CFAP92: variants seen among roughly 807,000 people sequenced by gnomAD.
The protein encoded by CFAP92 is cilia and flagella associated protein 92 (putative).
Under a neutral mutation model 106.3 loss-of-function variants are expected in CFAP92, and 86 were observed. That is an observed-to-expected ratio of 0.81 (90% CI 0.68 to 0.97). The LOEUF (loss-of-function observed/expected upper bound fraction) is 0.97. Ranked by LOEUF, CFAP92 falls within the 50% of genes least tolerant of loss-of-function variation. The pLI, the probability that CFAP92 is intolerant of heterozygous loss-of-function variation, is 0.00. For synonymous variants in CFAP92, 477 were observed against 506.4 expected (o/e 0.94, Z 0.78); for missense variants, 1,204 against 1,283.8 (o/e 0.94, Z 0.95).
chr3:128,943,127 T>C (rs1939828812), intron 10 of CFAP92, among the ~76,000 whole-genome samples: 1 of 151,936 alleles, frequency 6.6e-6, no homozygotes, highest in African/African-American at 2.4e-5. Context: ...CACTTGTTGG[T>C]CAGGCTGGTC....
chr3:128,919,167 C>T (rs375987644), intron 12 of CFAP92, among the ~76,000 whole-genome samples: 50 of 152,072 alleles, frequency 3.3e-4, no homozygotes, highest in African/African-American at 9.9e-4. Flanking sequence ...TGGTCTCGAA[C>T]GCCAGACTTC....
At chr3:128,975,526 G>A (rs550172043) in intron 7 of CFAP92, among the ~76,000 whole-genome samples, 1 of 152,042 alleles carries the variant, frequency 6.6e-6, no homozygotes, top group South Asian at 2.1e-4. Context: ...ATGAATGAAT[G>A]GATGGATGAA....
chr3:129,005,219 C>T (rs1401873732), upstream of CFAP92, among the ~76,000 whole-genome samples: 4 of 152,216 alleles, frequency 2.6e-5, no homozygotes, highest in East Asian at 1.9e-4. Context: ...GGAACAGATG[C>T]GTGGCAGCAG....
At chr3:129,000,563 G>C (rs1408342379) in intron 1 of CFAP92, among the ~76,000 whole-genome samples, 1 of 152,170 alleles carries the variant, frequency 6.6e-6, no homozygotes, top group Non-Finnish European at 1.5e-5. Flanking sequence ...GCAGGTAACA[G>C]GTGGACAATA....
chr3:128,912,345 T>C (rs918142164), intron 15 of CFAP92, among the ~76,000 whole-genome samples: 17 of 152,184 alleles, frequency 1.1e-4, no homozygotes, highest in African/African-American at 2.4e-5. Flanking sequence ...TTTCTCTCCC[T>C]GCAGCCCTGA....
intron 8 of CFAP92, chr3:128,970,753 G>A (rs550539641): frequency 1.3e-5 from 2 of 154,302 alleles, no homozygotes; most frequent in South Asian, 4.0e-4. Context: ...ACCTCTTTGA[G>A]TTCTTTTCCT....
intron 9 of CFAP92, 31 bp downstream of exon 9, chr3:128,965,480 T>A: frequency 2.5e-6 from 1 of 398,718 alleles, no homozygotes; most frequent in Non-Finnish European, 4.4e-6. Flanking sequence ...GGGGAGGAGC[T>A]CTAAACTCCA....
At chr3:128,999,578 G>A (rs373780367) in intron 1 of CFAP92, among the ~76,000 whole-genome samples, 5 of 124,008 alleles carry the variant, frequency 4.0e-5, no homozygotes, top group Admixed American at 1.1e-4. Context: ...TCGCTCTGTC[G>A]CCCAGGCTGG....
At chr3:128,933,028 C>A (rs962541048) in intron 11 of CFAP92, 31 bp from the exon 12 acceptor site, 14 of 1,531,400 alleles carry the variant, frequency 9.1e-6, no homozygotes, top group African/African-American at 2.7e-5. Flanking sequence ...CCCACTGAAC[C>A]TCTCCTACCT....
chr3:128,918,945 T>C (rs1576381238), intron 12 of CFAP92, among the ~76,000 whole-genome samples: 1 of 133,260 alleles, frequency 7.5e-6, no homozygotes, highest in East Asian at 2.2e-4. Context: ...ATTGGATTTT[T>C]TTTTTTTTTT....
chr3:128,911,063 G>T (rs774850638), intron 15 of CFAP92, among the ~76,000 whole-genome samples: 19 of 152,176 alleles, frequency 1.2e-4, no homozygotes, highest in Non-Finnish European at 2.1e-4. Flanking sequence ...ATGTATGTAT[G>T]TATTTATTTC....
rs1417821510 is a variant in CFAP92 at position 128,945,600 on chromosome 3, G to A, written c.1729C>T (p.His577Tyr). 7.2e-6 allele frequency: 11 copies of A among 1,535,980 alleles called. No homozygotes were observed. Among genetic ancestry groups the A allele is most frequent in the Non-Finnish European group, 8.7e-6 (10 of 1,146,920 alleles). ...QVSFADLLLG[H>Y]KYLNLAVPIH... ...GGGACGGCCAGATTCAAGTACTTGT[G>A]GCCAAGGAGGAGGTCAGCAAAACTG... is the stretch of plus-strand genomic sequence containing the variant. Residue 577 changes from histidine (H) to tyrosine (Y), a missense_variant, in exon 10 of 16, where the codon CAC becomes TAC. Transcript: ENST00000645291.
intron 1 of CFAP92, among the ~76,000 whole-genome samples, chr3:129,000,851 G>C (rs542447900): frequency 6.6e-6 from 1 of 152,340 alleles, no homozygotes; most frequent in East Asian, 1.9e-4. Flanking sequence ...GGAGAGAGCA[G>C]TTAGCACAGG....
the CFAP92 span, among the ~76,000 whole-genome samples, chr3:129,014,235 G>A: frequency 7.9e-5 from 12 of 152,344 alleles, no homozygotes; most frequent in Admixed American, 4.6e-4. The surrounding 1 kb of genome is among the most constrained non-coding windows in gnomAD (Gnocchi z 4.3). Context: ...AGTGCGTTAC[G>A]CTGTTGACCA....
chr3:128,945,701 A>T lies in CFAP92; in HGVS notation c.1628T>A (p.Ile543Asn). The T allele has an allele frequency of 6.5e-7, 1 of 1,536,090 alleles. No individual in the cohort carries two copies. Among genetic ancestry groups the T allele is most frequent in the South Asian group, 1.2e-5 (1 of 84,058 alleles). The change falls in exon 10 of 16, where the codon ATC becomes AAC. Residue 543 changes from isoleucine (I) to asparagine (N), a missense_variant. Transcript: ENST00000645291. ...LDSYLNFQAL[I>N]SPRETENNPF... The stretch of plus-strand genomic sequence containing the variant: ...GTTGTTCTCTGTCTCTCTGGGAGAG[A>T]TGAGGGCCTGGAAGTTGAGGTATGA...
At chr3:129,011,829 G>A in the CFAP92 span, among the ~76,000 whole-genome samples, 2 of 152,158 alleles carry the variant, frequency 1.3e-5, no homozygotes, top group Non-Finnish European at 2.9e-5. Flanking sequence ...TCGAGCCTGA[G>A]GCTTTGCACC....
At chr3:128,954,974 A>G (rs1315261737) in intron 9 of CFAP92, among the ~76,000 whole-genome samples, 1 of 37,532 alleles carries the variant, frequency 2.7e-5, no homozygotes, top group Non-Finnish European at 4.1e-5. Context: ...TGGGGCGGTC[A>G]GCCCCCCTGC....
At chr3:129,000,790 C>T (rs1944690544) in intron 1 of CFAP92, among the ~76,000 whole-genome samples, 1 of 152,212 alleles carries the variant, frequency 6.6e-6, no homozygotes, top group South Asian at 2.1e-4. Context: ...GTGGCAGGGC[C>T]GGGAGACACC....
At chr3:128,961,823 C>T (rs1456541924) in intron 9 of CFAP92, among the ~76,000 whole-genome samples, 2 of 152,076 alleles carry the variant, frequency 1.3e-5, no homozygotes, top group South Asian at 2.1e-4. Flanking sequence ...TTGAATTAAC[C>T]TCTCCTTCAA....
Sources: allele counts gnomAD v4.1 joint callset (sites outside exome capture counted in the v4.1 genomes callset), GRCh38; gene constraint gnomAD v4.1.1; non-coding constraint Gnocchi (gnomAD v3.1); transcripts MANE v1.5; gene names NCBI Gene and HGNC (gene_info 2026-07-23, HGNC 2026-07-21).